CTSB: variants seen among roughly 807,000 people sequenced by gnomAD.
CTSB encodes the protein APP secretase.
A neutral mutation model predicts 44.3 loss-of-function variants in CTSB; 57 were observed. That is an observed-to-expected ratio of 1.29 (90% CI 1.04 to 1.60). The LOEUF (loss-of-function observed/expected upper bound fraction) is 1.60, where lower values mean the gene tolerates loss of function less well. CTSB is among the 40% of genes most tolerant of loss of function. The probability of loss-of-function intolerance (pLI) is 0.00; values close to 1 mark genes in which losing one functional copy is unlikely to be tolerated. For synonymous variants in CTSB, 320 were observed against 168.0 expected, an observed-to-expected ratio of 1.91 and a Z score of -7.00; for missense variants, 768 against 443.0, an observed-to-expected ratio of 1.73 and a Z score of -6.59.
chr8:11,861,045 G>C (rs1297070549), intron 1 of CTSB, among the ~76,000 whole-genome samples: 1 of 152,130 alleles, frequency 6.6e-6, no homozygotes, highest in Non-Finnish European at 1.5e-5. Context: ...GCCTTGCTGT[G>C]GCCTCTGATG....
chr8:11,846,797 G>A (rs758905307), intron 8 of CTSB, among the ~76,000 whole-genome samples: 7 of 152,246 alleles, frequency 4.6e-5, no homozygotes, highest in African/African-American at 1.2e-4. Flanking sequence ...GCTAATGGAT[G>A]GGAAGGAACT....
At chr8:11,849,430 T>C (rs1368759517) in intron 4 of CTSB, 2 of 281,100 alleles carry the variant, frequency 7.1e-6, no homozygotes, top group Non-Finnish European at 1.4e-5. Context: ...AGAGGCGTGA[T>C]GAGCCACTTG....
Position 11,868,061 on chromosome 8 carries a change from C to G in CTSB, c.-86G>C, listed in dbSNP as rs1055607010. On this transcript the variant is annotated 5_prime_UTR_variant, in exon 1 of 10. Coordinates refer to ENST00000353047, the MANE Select transcript of CTSB (RefSeq NM_001908.5). ...CGCGCAGCGGAGCGGTTGGCGTTGC[C>G]GGAGCGGTTGCCGGAGCCCTGCAGC... The G allele has an allele frequency of 6.5e-6, 1 of 152,730 alleles. No individual in the cohort carries two copies. The highest frequency in any genetic ancestry group is 2.4e-5 in the African/African-American group (1 of 41,546). 9.5% of individuals were successfully genotyped at this position (152,730 alleles called of 1,614,324 possible). A position where few individuals can be genotyped will look rare whatever the true frequency, so the allele number is the denominator to read the frequency against.
chr8:11,866,773 T>C (rs554659734), intron 1 of CTSB, among the ~76,000 whole-genome samples: 2 of 152,194 alleles, frequency 1.3e-5, no homozygotes, highest in Admixed American at 6.5e-5. Flanking sequence ...GGCAGGAGAA[T>C]AGCTTGAATT....
Position 11,850,998 on chromosome 8 carries a change from T to G in CTSB, c.213-18A>C, listed in dbSNP as rs375322987. The G allele has an allele frequency of 1.4e-4, 224 of 1,584,198 alleles. No homozygotes were observed. Among genetic ancestry groups the G allele is most frequent in the Non-Finnish European group, 1.8e-4 (205 of 1,155,760 alleles). The stretch of plus-strand genomic sequence containing the variant: ...ACATAACTCTGGATAAAGGAAGGTC[T>G]TCATTACAAGCTCTGATCCCACAAC... On this transcript the variant is annotated intron_variant, in intron 3 of 9. Transcript: ENST00000353047.
intron 1 of CTSB, 163 bp downstream of exon 1, chr8:11,867,838 G>C (rs1817397877): frequency 6.9e-6 from 1 of 144,318 alleles, no homozygotes; most frequent in African/African-American, 2.5e-5. Context: ...CCGCCCGTCA[G>C]GGACAGTCCC....
intron 1 of CTSB, among the ~76,000 whole-genome samples, chr8:11,864,944 CAG>C (rs1816916449): frequency 1.3e-5 from 2 of 151,928 alleles, no homozygotes; most frequent in South Asian, 4.2e-4. Flanking sequence ...TGTCTAAACA[CAG>C]AGTGGAATTT....
rs927000261 is a variant in CTSB, at chr8:11,849,108, G to A, written c.384C>T (p.His128=). ...CCTCCGCCGACACCTCCACGCTGACGTGCGCATTGGTGTGGATGCAGATCC... is the reference window on the plus strand; with the variant it reads ...CCTCCGCCGACACCTCCACGCTGACATGCGCATTGGTGTGGATGCAGATCC... ...SDRICIHTNA[H]VSVEVSAEDL... is the part of the protein sequence containing the mutation. Residue 128 remains histidine, a synonymous_variant, in exon 5 of 10, where the codon CAC becomes CAT. Transcript: ENST00000353047. 5.6e-6 allele frequency: 9 copies of A among 1,613,454 alleles called. No individual in the cohort carries two copies. Among genetic ancestry groups the A allele is most frequent in the Middle Eastern group, 1.7e-4 (1 of 6,044 alleles).
rs1812851444 is a variant in CTSB, at chr8:11,844,441, G to C, written c.*684C>G. 6.6e-6 allele frequency: 1 copy of C among 152,222 alleles called. No homozygotes were observed. 9.4% of individuals were successfully genotyped at this position (152,222 alleles called of 1,614,324 possible). On this transcript the variant is annotated 3_prime_UTR_variant, in exon 10 of 10. Transcript: ENST00000353047. ...AAACTATTTTCCTTGTGGTAGTAGA[G>C]ATCAGTGGGTCAGAAACAACTCCTG...
At chr8:11,850,024 G>T (rs1386640178) in intron 4 of CTSB, 1 of 152,318 alleles carries the variant, frequency 6.6e-6, no homozygotes, top group East Asian at 1.9e-4. Flanking sequence ...GGTGTTAATG[G>T]GGACAGAGTT....
chr8:11,865,022 G>C (rs149637207), intron 1 of CTSB, among the ~76,000 whole-genome samples: 5 of 152,226 alleles, frequency 3.3e-5, no homozygotes, highest in African/African-American at 1.2e-4. Flanking sequence ...ATGCCAGGGC[G>C]CAAGGTTTGC....
chr8:11,847,228 A>G, intron 7 of CTSB, 60 bp from the exon 8 acceptor site: 1 of 1,046,632 alleles, frequency 9.6e-7, no homozygotes. Flanking sequence ...GTGGCACGCC[A>G]CGGTCAGCCA....
chr8:11,857,701 G>C (rs1815728523), intron 1 of CTSB, among the ~76,000 whole-genome samples: 1 of 152,054 alleles, frequency 6.6e-6, no homozygotes, highest in Non-Finnish European at 1.5e-5. Flanking sequence ...CGACTTCCCT[G>C]CACCCGCCCT....
intron 5 of CTSB, 116 bp downstream of exon 5, chr8:11,848,930 C>A (rs375334854): frequency 1.4e-6 from 1 of 721,986 alleles, no homozygotes; most frequent in Non-Finnish European, 2.3e-6. Context: ...GGAGTCTCCC[C>A]GAAACACTTC....
In CTSB at chr8:11,847,754, C is replaced by T. The variant is rs529418411; in HGVS notation, c.601G>A (p.Glu201Lys). The change falls in exon 7 of 10, where the codon GAG (glutamate) becomes AAG (lysine). Residue 201 changes from glutamate (E) to lysine (K), a missense_variant. Glu to Lys is a moderately conservative substitution (Grantham distance 56, BLOSUM62 1). Coordinates refer to ENST00000353047, the MANE Select transcript of CTSB (RefSeq NM_001908.5). ...VNGSRPPCTG[E>K]GDTPKCSKIC... is the part of the protein sequence containing the mutation. ...TTGCTACACTTGGGGGTATCTCCCT[C>T]CCCCGTGCATGGGGGCCGGGAGCCG... 6.2e-7 allele frequency: 1 copy of T among 1,601,554 alleles called. No individual in the cohort carries two copies.
chr8:11,848,673 C>T (rs1813931511), intron 5 of CTSB: 1 of 305,590 alleles, frequency 3.3e-6, no homozygotes, highest in Admixed American at 4.3e-5. Context: ...TGTGCCACCA[C>T]CTTGTTGTTA....
intron 1 of CTSB, among the ~76,000 whole-genome samples, chr8:11,859,034 G>C (rs757488896): frequency 6.6e-6 from 1 of 152,144 alleles, no homozygotes; most frequent in Non-Finnish European, 1.5e-5. Flanking sequence ...AAGAACAGCT[G>C]CGAGCAGATG....
At chr8:11,847,599 C>T (rs539606812) in intron 7 of CTSB, 80 bp downstream of exon 7, 1 of 1,461,598 alleles carries the variant, frequency 6.8e-7, no homozygotes, top group East Asian at 2.4e-5. Context: ...TCAGCCCTGA[C>T]CTCTTCGCTG....
intron 1 of CTSB, among the ~76,000 whole-genome samples, chr8:11,857,475 T>G (rs1171727048): frequency 6.6e-6 from 1 of 152,108 alleles, no homozygotes; most frequent in African/African-American, 2.4e-5. Flanking sequence ...CCCGGGGGCT[T>G]TGTGCTGTAG....
Sources: gnomAD v4.1 joint callset for allele counts (sites outside exome capture counted in the v4.1 genomes callset) on GRCh38, gnomAD v4.1.1 for gene constraint, MANE v1.5 for transcripts, NCBI Gene and HGNC (gene_info 2026-07-23, HGNC 2026-07-21) for gene names.